The following MEF2B variants were observed in gnomAD, a reference collection of about 807,000 sequenced individuals.
MEF2B encodes myocyte enhancer factor 2B, also known as myocyte-specific enhancer factor 2B.
A neutral mutation model predicts 32.2 loss-of-function variants in MEF2B; 15 were observed. That is an observed-to-expected ratio of 0.47 (90% CI 0.31 to 0.72). The LOEUF (loss-of-function observed/expected upper bound fraction) is 0.72, where lower values mean the gene tolerates loss of function less well. Ranked by LOEUF, MEF2B falls within the 30% of genes least tolerant of loss-of-function variation. The pLI is 0.05. For synonymous variants in MEF2B, 205 were observed against 225.6 expected (o/e 0.91, Z 0.82); for missense variants, 441 against 511.5 (o/e 0.86, Z 1.33).
intron 1 of MEF2B, among the ~76,000 whole-genome samples, chr19:19,155,123 A>T (rs1295364932): frequency 6.6e-6 from 1 of 152,188 alleles, no homozygotes; most frequent in East Asian, 1.9e-4. Context: ...CACAGCTCTG[A>T]GCATGGCCCC....
In MEF2B at chr19:19,147,840, G is replaced by C. The variant is rs1177892376; in HGVS notation, c.259-8C>G. On this transcript the variant is annotated splice_polypyrimidine_tract_variant and splice_region_variant and intron_variant, in intron 3 of 8. Transcript: ENST00000424583. ...GCCCCTCCGCTTCAGCGTCTATGGG[G>C]ACAGGAGACAACAGGGTAGACCCTT... 6 of 1,612,280 alleles carry C rather than the reference G, an allele frequency of 3.7e-6. No homozygotes were observed. The highest frequency in any genetic ancestry group is 5.1e-6 in the Non-Finnish European group (6 of 1,179,672).
chr19:19,150,800 GT>G, intron 1 of MEF2B, 36 bp from the exon 2 acceptor site: 1 of 1,612,342 alleles, frequency 6.2e-7, no homozygotes, highest in Non-Finnish European at 8.5e-7. Context: ...GAGTGAGTGG[GT>G]GGAGAGTGGG....
Position 19,146,852 on chromosome 19 carries a change from G to A in MEF2B, c.565C>T (p.Pro189Ser). 5 of 1,613,364 alleles carry A rather than the reference G, an allele frequency of 3.1e-6. No homozygotes were observed. The highest frequency in any genetic ancestry group is 4.2e-6 in the Non-Finnish European group (5 of 1,179,840). The change falls in exon 6 of 9, where the codon CCA (proline) becomes TCA (serine). Residue 189 changes from proline to serine, a missense_variant. By Grantham distance (74) the Pro-to-Ser change is moderately conservative. Transcript: ENST00000424583. The stretch of plus-strand genomic sequence containing the variant: ...GGTGTCTTGCTGGTGAGGTGGCTTG[G>A]TGAGAAGAGAGGGTGCACCAGGCCT... Reference protein sequence around the residue: ...PPGLVHPLFSPSHLTSKTPPP... With the variant: ...PPGLVHPLFSSSHLTSKTPPP...
chr19:19,155,188 C>T (rs1299370198), intron 1 of MEF2B, among the ~76,000 whole-genome samples: 1 of 152,198 alleles, frequency 6.6e-6, no homozygotes, highest in African/African-American at 2.4e-5. Flanking sequence ...AAAGTTCTAG[C>T]ACCTAGCCTG....
chr19:19,148,708 TTTA>T (rs1568546508), intron 3 of MEF2B, among the ~76,000 whole-genome samples: 1 of 151,180 alleles, frequency 6.6e-6, no homozygotes, highest in Non-Finnish European at 1.5e-5. Flanking sequence ...TATTTATTTA[TTTA>T]TTTATTTATT....
At chr19:19,164,442 C>A (rs555291445) in intron 1 of MEF2B, among the ~76,000 whole-genome samples, 2 of 152,306 alleles carry the variant, frequency 1.3e-5, no homozygotes, top group African/African-American at 4.8e-5. Context: ...GTCCCACTGC[C>A]CAGCTTGGGA....
At chr19:19,146,238 A>C in intron 8 of MEF2B, 35 bp downstream of exon 8, 1 of 952,990 alleles carries the variant, frequency 1.0e-6, no homozygotes, top group South Asian at 2.3e-5. Flanking sequence ...GGGGCTTTGG[A>C]GGACTGGGAC....
intron 1 of MEF2B, among the ~76,000 whole-genome samples, chr19:19,162,562 C>A (rs1349730129): frequency 6.6e-6 from 1 of 152,150 alleles, no homozygotes; most frequent in Non-Finnish European, 1.5e-5. Context: ...TGGAGAAGGC[C>A]CCATGGGGGT....
chr19:19,156,461 C>T (rs1335891825), intron 1 of MEF2B, among the ~76,000 whole-genome samples: 1 of 151,922 alleles, frequency 6.6e-6, no homozygotes, highest in Non-Finnish European at 1.5e-5. Flanking sequence ...AGCTGCTGCA[C>T]TCCAGCCAGG....
intron 2 of MEF2B, among the ~76,000 whole-genome samples, chr19:19,149,640 G>A (rs558855514): frequency 4.6e-4 from 70 of 152,242 alleles, no homozygotes; most frequent in African/African-American, 1.7e-3. Context: ...TGGCTTCCCA[G>A]GCAGAGTCCA....
At chr19:19,147,471 AT>A (rs2060037255) in intron 4 of MEF2B, among the ~76,000 whole-genome samples, 2 of 151,832 alleles carry the variant, frequency 1.3e-5, no homozygotes, top group Non-Finnish European at 2.9e-5. Context: ...TGAATCAAAG[AT>A]GAAATGAAGG....
intron 1 of MEF2B, among the ~76,000 whole-genome samples, chr19:19,165,017 A>ACAGCCCGG (rs1384535553): frequency 6.6e-6 from 1 of 152,196 alleles, no homozygotes; most frequent in East Asian, 1.9e-4. Flanking sequence ...GACCCTGCCC[A>ACAGCCCGG]CAGCCCGGCA....
At chr19:19,153,867 C>T (rs59829545) in intron 1 of MEF2B, among the ~76,000 whole-genome samples, 24,453 of 152,114 alleles carry the variant, frequency 0.16, 2,238 homozygotes, top group East Asian at 0.34. Flanking sequence ...CCTCCCACCT[C>T]AGCCTCCTGA....
intron 1 of MEF2B, among the ~76,000 whole-genome samples, chr19:19,151,713 T>A (rs2060081801): frequency 6.6e-6 from 1 of 152,114 alleles, no homozygotes; most frequent in African/African-American, 2.4e-5. Context: ...CCTCTGACCC[T>A]CAGGGCAGCC....
chr19:19,147,163 G>A lies in MEF2B; in HGVS notation c.414C>T (p.Pro138=), dbSNP rs1309889788. The A allele has an allele frequency of 6.3e-7, 1 of 1,582,382 alleles. No homozygotes were observed. The highest frequency in any genetic ancestry group is 2.3e-5 in the East Asian group (1 of 43,498). ...AGGCCCCGTATACCACATCTGGGCT[G>A]GGCATAGCAGGAGCTGCAGGCTGTG... ...PRLYPAAPAM[P]SPDVVYGALP... Residue 138 remains proline (P), a synonymous_variant, in exon 5 of 9, where the codon CCC becomes CCT. Coordinates refer to ENST00000424583, the MANE Select transcript of MEF2B (RefSeq NM_001145785.2).
chr19:19,153,989 GT>G (rs2060103048), intron 1 of MEF2B, among the ~76,000 whole-genome samples: 1 of 152,058 alleles, frequency 6.6e-6, no homozygotes, highest in Non-Finnish European at 1.5e-5. Context: ...CTGGCTGGAA[GT>G]GATCCTCCTA....
At position 19,163,798 on chromosome 19, in the gene MEF2B, C is replaced by T. The variant is rs112050642; in HGVS notation, c.-30+6407G>A. ...CCTCCCGAGTAGCTAGGGCTGCAGG[C>T]GCCTGCCCCTCCACATGGCTAATTT... On this transcript the variant is annotated intron_variant, in intron 1 of 8. Transcript: ENST00000424583. Among the ~76,000 whole-genome samples, 203 of 152,084 alleles carry T rather than the reference C, an allele frequency of 1.3e-3. 4 individuals are homozygous for T. The highest frequency in any genetic ancestry group is 4.7e-3 in the African/African-American group (196 of 41,484).
In MEF2B at chr19:19,149,208, G is replaced by A. The variant is rs746761321; in HGVS notation, c.258+18C>T. The A allele has an allele frequency of 6.2e-7, 1 of 1,613,032 alleles. No individual in the cohort carries two copies. The highest frequency in any genetic ancestry group is 1.7e-5 in the Admixed American group (1 of 59,926). Reference sequence around the variant, plus strand: ...GTGCACGGGGCCTTGTGGGGCTGGGGAGGAGGACCTGGGGTACCTCGAGGA... The same window carrying A: ...GTGCACGGGGCCTTGTGGGGCTGGGAAGGAGGACCTGGGGTACCTCGAGGA... On this transcript the variant is annotated intron_variant, in intron 3 of 8. Coordinates refer to ENST00000424583, the MANE Select transcript of MEF2B (RefSeq NM_001145785.2).
chr19:19,147,672 A>G, intron 4 of MEF2B, 26 bp downstream of exon 4: 1 of 1,608,540 alleles, frequency 6.2e-7, no homozygotes, highest in Middle Eastern at 1.7e-4. Flanking sequence ...GGAATGCCTC[A>G]TTCACAGGGC....
Sources: gnomAD v4.1 joint callset for allele counts (sites outside exome capture counted in the v4.1 genomes callset) on GRCh38, gnomAD v4.1.1 for gene constraint, MANE v1.5 for transcripts, NCBI Gene and HGNC (gene_info 2026-07-23, HGNC 2026-07-21) for gene names.